MCC: variants seen among roughly 807,000 people sequenced by gnomAD.
The protein encoded by MCC is colorectal mutant cancer protein.
In MCC, 90 loss-of-function variants were observed where a neutral mutation model predicts 116.2. The observed-to-expected ratio is 0.77, with a 90% CI of 0.65 to 0.92. MCC has a LOEUF of 0.92. Among genes scored for constraint, MCC ranks in the 40% least tolerant of loss-of-function variants. The probability of loss-of-function intolerance (pLI) is 0.00; values close to 1 mark genes in which losing one functional copy is unlikely to be tolerated. For synonymous variants in MCC, 578 were observed against 510.5 expected (o/e 1.13, Z -1.78); for missense variants, 1,516 against 1,312.2 (o/e 1.16, Z -2.40).
At chr5:113,224,083 T>C (rs1262928239) in intron 3 of MCC, among the ~76,000 whole-genome samples, 2 of 152,120 alleles carry the variant, frequency 1.3e-5, no homozygotes, top group Non-Finnish European at 2.9e-5. Context: ...TATTGTTATA[T>C]AGTTTTTGTT....
chr5:113,294,187 C>T, intron 3 of MCC: 1 of 1,015,362 alleles, frequency 9.8e-7, no homozygotes, highest in Non-Finnish European at 1.5e-6. Flanking sequence ...TCCAGAAAAT[C>T]TACTAATCTT....
At chr5:113,478,735 T>C (rs942493014) in intron 1 of MCC, among the ~76,000 whole-genome samples, 1 of 152,178 alleles carries the variant, frequency 6.6e-6, no homozygotes, top group Non-Finnish European at 1.5e-5. Flanking sequence ...TTTAAGGGTC[T>C]TTAGATAAGA....
intron 3 of MCC, among the ~76,000 whole-genome samples, chr5:113,227,086 G>A (rs913413716): frequency 1.3e-5 from 2 of 152,108 alleles, no homozygotes; most frequent in African/African-American, 4.8e-5. Context: ...TTACTTTTTC[G>A]ATGTGATATG....
chr5:113,028,886 G>A, intron 18 of MCC, 48 bp downstream of exon 18: 1 of 1,599,692 alleles, frequency 6.3e-7, no homozygotes, highest in South Asian at 1.1e-5. Flanking sequence ...GTCAGTCCAA[G>A]TACCACAGGT....
intron 3 of MCC, among the ~76,000 whole-genome samples, chr5:113,322,204 G>C (rs2150371572): frequency 6.6e-6 from 1 of 152,268 alleles, no homozygotes; most frequent in Non-Finnish European, 1.5e-5. Flanking sequence ...TTACTACCAA[G>C]GACATAGAGA....
chr5:113,072,610 C>T (rs1451350633), intron 11 of MCC, among the ~76,000 whole-genome samples: 1 of 152,170 alleles, frequency 6.6e-6, no homozygotes, highest in Non-Finnish European at 1.5e-5. Context: ...TGCTGGTTTT[C>T]TTCCTGCCCT....
intron 13 of MCC, among the ~76,000 whole-genome samples, chr5:113,065,550 A>C (rs939203186): frequency 1.3e-5 from 2 of 152,172 alleles, no homozygotes; most frequent in Non-Finnish European, 2.9e-5. Flanking sequence ...TGAAGTGGGC[A>C]GAAGTGGGAG....
intron 3 of MCC, among the ~76,000 whole-genome samples, chr5:113,157,326 T>C (rs957013257): frequency 2.0e-5 from 3 of 152,156 alleles, no homozygotes; most frequent in Non-Finnish European, 4.4e-5. Flanking sequence ...CAACTATTTT[T>C]CCCATGAAAC....
At chr5:113,045,592 G>C (rs1015637809) in intron 16 of MCC, among the ~76,000 whole-genome samples, 3 of 152,076 alleles carry the variant, frequency 2.0e-5, no homozygotes, top group Non-Finnish European at 2.9e-5. Flanking sequence ...TTGATGTCAG[G>C]AGTTTGAGAC....
At chr5:113,472,055 G>A (rs548955283) in intron 1 of MCC, among the ~76,000 whole-genome samples, 39 of 152,244 alleles carry the variant, frequency 2.6e-4, no homozygotes, top group South Asian at 1.4e-3. Flanking sequence ...TCCAGGTGCC[G>A]TCTGTCACCC....
intron 3 of MCC, among the ~76,000 whole-genome samples, chr5:113,248,976 T>C (rs1581315863): frequency 6.6e-6 from 1 of 152,234 alleles, no homozygotes; most frequent in East Asian, 1.9e-4. Context: ...CCCGAGTAGC[T>C]GGGATTACAG....
intron 5 of MCC, among the ~76,000 whole-genome samples, chr5:113,135,189 C>T (rs549724727): frequency 2.6e-5 from 4 of 150,988 alleles, no homozygotes; most frequent in Non-Finnish European, 4.4e-5. Flanking sequence ...CCGCCCACCT[C>T]GGCCTCCCAA....
chr5:113,434,926 T>C lies in MCC; in HGVS notation c.171-49714A>G, dbSNP rs1770804077. On this transcript the variant is annotated intron_variant, in intron 1 of 18. Transcript: ENST00000408903. This position sits in a 1 kb window ranked among gnomAD's most constrained non-coding sequence, Gnocchi z 4.2. ...GCAGTGTGCTCATTTACATCCTGGA[T>C]AGAGAGTCCTTTGGGCTGGCCAGGC... The C allele has an allele frequency of 4.7e-6, 7 of 1,496,390 alleles. No homozygotes were observed. The highest frequency in any genetic ancestry group is 6.3e-6 in the Non-Finnish European group (7 of 1,114,822). The allele number at this position is 1,496,390 out of a possible 1,614,324, so 92.7% of individuals were successfully genotyped here. A position where few individuals can be genotyped will look rare whatever the true frequency, so the allele number is the denominator to read the frequency against.
rs369812336 is a variant in MCC, at chr5:113,377,738, C to G, written c.415+7230G>C. On this transcript the variant is annotated intron_variant, in intron 2 of 18. Transcript: ENST00000408903. ...AAAGACTTGGCTAAATTTGCCCAAA[C>G]TTAATCTATAGATAGTTGCTTCACA... Among the ~76,000 whole-genome samples the G allele has an allele frequency of 2.0e-4, 31 of 152,290 alleles. No homozygotes were observed. In the East Asian group the frequency reaches 5.4e-3, roughly 27 times the overall value.
intron 3 of MCC, among the ~76,000 whole-genome samples, chr5:113,184,479 GTTTTTTTTTTTT>G (rs11303638): frequency 8.7e-6 from 1 of 115,144 alleles, no homozygotes; most frequent in Admixed American, 1.0e-4. Context: ...TTCGTTTTTT[GTTTTTTTTTTTT>G]TTTTTTGGAG....
At chr5:113,316,375 T>A (rs1767285532) in intron 3 of MCC, among the ~76,000 whole-genome samples, 1 of 152,120 alleles carries the variant, frequency 6.6e-6, no homozygotes, top group Non-Finnish European at 1.5e-5. Context: ...TACTGCTAAC[T>A]GAATTAAAAT....
chr5:113,100,784 T>C (rs1016872941), intron 8 of MCC, among the ~76,000 whole-genome samples: 1 of 152,156 alleles, frequency 6.6e-6, no homozygotes, highest in African/African-American at 2.4e-5. Flanking sequence ...ATTTTTCCCC[T>C]TCTAAGTCAA....
At position 113,267,251 on chromosome 5, in the gene MCC, T is replaced by C. The variant is rs141085663; in HGVS notation, c.627+73268A>G. The stretch of plus-strand genomic sequence containing the variant: ...CATCAGCTCTCATAGAGGCAACCAC[T>C]GGCACACCAAAAGTGACTTCCCAAG... On this transcript the variant is annotated intron_variant, in intron 3 of 18. Transcript: ENST00000408903. Among the ~76,000 whole-genome samples, 163 of 152,166 alleles carry C rather than the reference T, an allele frequency of 1.1e-3. 2 individuals are homozygous for C. In the East Asian group the frequency reaches 0.03, roughly 28 times the overall value.
chr5:113,352,374 G>A (rs10070884), intron 2 of MCC, among the ~76,000 whole-genome samples: 4,267 of 152,058 alleles, frequency 0.028, 197 homozygotes, highest in African/African-American at 0.093. Context: ...ATTGGTTCCT[G>A]TGCTCCAGGC....
Sources: gnomAD v4.1 joint callset for allele counts (sites outside exome capture counted in the v4.1 genomes callset) on GRCh38, gnomAD v4.1.1 for gene constraint, Gnocchi (gnomAD v3.1) non-coding constraint, MANE v1.5 for transcripts, NCBI Gene and HGNC (gene_info 2026-07-23, HGNC 2026-07-21) for gene names.